Variants in RALGPS2 observed in about 807,000 individuals in gnomAD.
The protein encoded by RALGPS2 is ras-specific guanine nucleotide-releasing factor RalGPS2.
RALGPS2 carries 43 observed loss-of-function variants against 86.8 expected under a neutral mutation model. The observed-to-expected ratio is 0.50, with a 90% confidence interval of 0.39 to 0.64. RALGPS2 has a LOEUF of 0.64. Ranked by LOEUF, RALGPS2 falls within the 30% of genes least tolerant of loss-of-function variation. The pLI is 0.00. For synonymous variants in RALGPS2, 243 were observed against 231.3 expected (o/e 1.05, Z -0.46); for missense variants, 536 against 694.6 (o/e 0.77, Z 2.57).
intron 19 of RALGPS2, among the ~76,000 whole-genome samples, chr1:178,909,643 A>ATTTTTTTTTTTTTTTTTTTTTT (rs57890269): frequency 4.1e-5 from 3 of 72,386 alleles, no homozygotes; most frequent in Non-Finnish European, 7.6e-5. Context: ...TTCTTTTTTA[A>ATTTTTTTTTTTTTTTTTTTTTT]TTTTTTTTTT....
intron 18 of RALGPS2, among the ~76,000 whole-genome samples, chr1:178,904,851 G>GA (rs957171388): frequency 6.6e-6 from 1 of 152,092 alleles, no homozygotes; most frequent in African/African-American, 2.4e-5. Flanking sequence ...GATTGTATGT[G>GA]AATTTTAGAA....
intron 8 of RALGPS2, chr1:178,864,892 T>A (rs1658279938): frequency 3.5e-6 from 4 of 1,147,448 alleles, no homozygotes; most frequent in Non-Finnish European, 4.6e-6. Flanking sequence ...ATGAGCATTG[T>A]TTCATAAGGC....
In RALGPS2 at chr1:178,747,592, T is replaced by G. The variant is rs1010712385; in HGVS notation, c.-84+22173T>G. The G allele has an allele frequency of 1.3e-4, 213 of 1,604,530 alleles. 2 individuals carry two copies. The highest frequency in any genetic ancestry group is 1.7e-4 in the Non-Finnish European group (202 of 1,173,052). ...ATGTGTTAGGAAGTGGACCCTGTGT[T>G]AAGATGTAACTCCTTTGTCCTCTTC... On this transcript the variant is annotated intron_variant, in intron 1 of 19. Transcript: ENST00000367635.
intron 16 of RALGPS2, among the ~76,000 whole-genome samples, chr1:178,896,316 G>C (rs1252042349): frequency 6.6e-6 from 1 of 151,996 alleles, no homozygotes; most frequent in Non-Finnish European, 1.5e-5. Context: ...AAGAGAAATT[G>C]GTTGGTGTCT....
intron 8 of RALGPS2, among the ~76,000 whole-genome samples, chr1:178,858,179 G>T (rs1243140254): frequency 6.6e-6 from 1 of 151,914 alleles, no homozygotes; most frequent in Non-Finnish European, 1.5e-5. Flanking sequence ...ATATTTATTT[G>T]TATTTATTTT....
intron 6 of RALGPS2, among the ~76,000 whole-genome samples, chr1:178,820,221 A>T (rs1434703217): frequency 1.3e-5 from 2 of 152,224 alleles, no homozygotes; most frequent in East Asian, 3.8e-4. Flanking sequence ...CAAAACTTTG[A>T]CTTTTCAGGT....
chr1:178,729,812 G>A (rs1035131794), intron 1 of RALGPS2, among the ~76,000 whole-genome samples: 6 of 152,142 alleles, frequency 3.9e-5, no homozygotes, highest in Non-Finnish European at 5.9e-5. Flanking sequence ...TTAAAACTCC[G>A]GTCCTCTGCC....
Position 178,885,213 on chromosome 1 carries a change from T to A in RALGPS2, c.1040+2T>A. 2 of 1,602,578 alleles carry A rather than the reference T, an allele frequency of 1.2e-6. No individual in the cohort carries two copies. Among genetic ancestry groups the A allele is most frequent in the Non-Finnish European group, 1.7e-6 (2 of 1,176,688 alleles). ...GAAGTGCCATAGTTTGGGTTATAAGTCAGCATTTTTAATTTTATCTTTCAA... is the reference window on the plus strand; with the variant it reads ...GAAGTGCCATAGTTTGGGTTATAAGACAGCATTTTTAATTTTATCTTTCAA... On this transcript the variant is annotated splice_donor_variant, in intron 12 of 19. Transcript: ENST00000367635. LOFTEE classifies it high-confidence loss of function.
intron 8 of RALGPS2, among the ~76,000 whole-genome samples, chr1:178,839,298 A>T: frequency 6.6e-6 from 1 of 152,252 alleles, no homozygotes; most frequent in Non-Finnish European, 1.5e-5. Flanking sequence ...AGCCCATCAA[A>T]CTAACAGCAG....
intron 6 of RALGPS2, among the ~76,000 whole-genome samples, chr1:178,815,623 C>T (rs781206667): frequency 6.6e-6 from 1 of 152,150 alleles, no homozygotes; most frequent in Non-Finnish European, 1.5e-5. Context: ...CATTTATAAA[C>T]AGTGAACATT....
chr1:178,835,357 G>A (rs569978288), intron 8 of RALGPS2, among the ~76,000 whole-genome samples: 2 of 151,036 alleles, frequency 1.3e-5, no homozygotes, highest in South Asian at 2.1e-4. Flanking sequence ...TCTCCTTAAG[G>A]CTGGATGGGA....
intron 17 of RALGPS2, among the ~76,000 whole-genome samples, chr1:178,899,645 TGGTTTTGG>T (rs1558178028): frequency 1.4e-5 from 2 of 143,468 alleles, no homozygotes; most frequent in African/African-American, 5.8e-5. Flanking sequence ...GTTTTGGTTT[TGGTTTTGG>T]TTTTTTTTTT....
chr1:178,826,336 G>T (rs190610152), intron 7 of RALGPS2, among the ~76,000 whole-genome samples: 160 of 152,248 alleles, frequency 1.1e-3, no homozygotes, highest in African/African-American at 3.5e-3. Context: ...ACAAAATATA[G>T]TTTATACATA....
At chr1:178,867,387 C>T (rs1658483155) in intron 8 of RALGPS2, among the ~76,000 whole-genome samples, 1 of 152,084 alleles carries the variant, frequency 6.6e-6, no homozygotes, top group Non-Finnish European at 1.5e-5. Flanking sequence ...CTTCAGAGTT[C>T]ATGTTTTCAA....
intron 19 of RALGPS2, among the ~76,000 whole-genome samples, chr1:178,911,913 G>A (rs1213612513): frequency 6.6e-6 from 1 of 152,082 alleles, no homozygotes; most frequent in Non-Finnish European, 1.5e-5. Context: ...TGTATCTTTA[G>A]GATAGTTAAG....
intron 8 of RALGPS2, among the ~76,000 whole-genome samples, chr1:178,877,265 A>G (rs1438291918): frequency 6.6e-6 from 1 of 152,126 alleles, no homozygotes; most frequent in Non-Finnish European, 1.5e-5. Context: ...ACAAGAAGAC[A>G]TTTACAAAAT....
intron 1 of RALGPS2, among the ~76,000 whole-genome samples, chr1:178,731,110 A>G (rs553512485): frequency 3.0e-4 from 46 of 152,192 alleles, no homozygotes; most frequent in African/African-American, 1.1e-3. Context: ...CTTTCAAGAA[A>G]GAGTATATGA....
intron 16 of RALGPS2, among the ~76,000 whole-genome samples, chr1:178,896,303 G>C (rs916954382): frequency 6.6e-6 from 1 of 152,024 alleles, no homozygotes; most frequent in African/African-American, 2.4e-5. Flanking sequence ...CTGTGAAAAG[G>C]AGAAGAGAAA....
intron 1 of RALGPS2, chr1:178,746,760 G>A (rs1651353592): frequency 1.2e-6 from 1 of 818,358 alleles, no homozygotes; most frequent in Non-Finnish European, 2.2e-6. Flanking sequence ...TGCACCTTCT[G>A]AGCTGTGGTG....
Sources: gnomAD v4.1 joint callset for allele counts (sites outside exome capture counted in the v4.1 genomes callset) on GRCh38, gnomAD v4.1.1 for gene constraint, MANE v1.5 for transcripts, NCBI Gene and HGNC (gene_info 2026-07-23, HGNC 2026-07-21) for gene names.